The following TENM3 variants were observed in gnomAD, a reference collection of about 807,000 sequenced individuals.
The protein encoded by TENM3 is teneurin transmembrane protein 3.
Under a neutral mutation model 255.1 loss-of-function variants are expected in TENM3, and 63 were observed. That is an observed-to-expected ratio of 0.25 (90% CI 0.20 to 0.30). The LOEUF is 0.30. Ranked by LOEUF, TENM3 falls within the 10% of genes least tolerant of loss-of-function variation. The pLI, the probability that TENM3 is intolerant of heterozygous loss-of-function variation, is 1.00. For missense variants in TENM3, 2,929 were observed against 3,461.1 expected (o/e 0.85, Z 3.86); for synonymous variants, 1,306 against 1,322.3 (o/e 0.99, Z 0.27).
the TENM3 span, among the ~76,000 whole-genome samples, chr4:181,815,918 A>G: frequency 5.3e-5 from 8 of 152,224 alleles, no homozygotes; most frequent in African/African-American, 1.7e-4. Context: ...TTATATTGCT[A>G]TTGGAATGAA....
chr4:182,056,304 G>A, the TENM3 span, among the ~76,000 whole-genome samples: 16 of 152,228 alleles, frequency 1.1e-4, no homozygotes, highest in South Asian at 1.9e-3. Context: ...ATTATGTCAC[G>A]TTCCAATTTG....
At chr4:182,643,036 T>C (rs544786736) in intron 5 of TENM3, among the ~76,000 whole-genome samples, 1 of 152,310 alleles carries the variant, frequency 6.6e-6, no homozygotes, top group Non-Finnish European at 1.5e-5. Flanking sequence ...GAGAACTCTG[T>C]GTTCCTAATG....
chr4:181,839,386 C>CCTATATACATATATATATATATAT, the TENM3 span, among the ~76,000 whole-genome samples: 2 of 44,110 alleles, frequency 4.5e-5, no homozygotes, highest in African/African-American at 1.8e-4. Flanking sequence ...TATATATATA[C>CCTATATACATATATATATATATAT]ACCTATATAC....
chr4:181,659,224 C>G, the TENM3 span, among the ~76,000 whole-genome samples: 1 of 152,104 alleles, frequency 6.6e-6, no homozygotes, highest in Non-Finnish European at 1.5e-5. Flanking sequence ...AATCATCTCC[C>G]CATGATTTTT....
chr4:181,520,280 C>T, the TENM3 span, among the ~76,000 whole-genome samples: 9 of 152,284 alleles, frequency 5.9e-5, no homozygotes, highest in East Asian at 1.9e-4. Flanking sequence ...GAAGCCGTGC[C>T]GCCCTGGCAG....
chr4:181,534,678 T>C, the TENM3 span, among the ~76,000 whole-genome samples: 1 of 152,138 alleles, frequency 6.6e-6, no homozygotes, highest in African/African-American at 2.4e-5. Context: ...GCAATGCTCC[T>C]TCATGGCATT....
At chr4:182,318,860 T>C (rs1352852888) in intron 1 of TENM3, among the ~76,000 whole-genome samples, 1 of 152,282 alleles carries the variant, frequency 6.6e-6, no homozygotes, top group East Asian at 1.9e-4. Context: ...CTTGAAGTCC[T>C]GGGCTCAAGC....
the TENM3 span, among the ~76,000 whole-genome samples, chr4:181,460,678 C>CTTTTTTTTTTTTTTTTTTT: frequency 2.2e-5 from 3 of 136,862 alleles, no homozygotes; most frequent in Non-Finnish European, 3.1e-5. Flanking sequence ...AGCTATAGTT[C>CTTTTTTTTTTTTTTTTTTT]TTTTTTTTTT....
the TENM3 span, among the ~76,000 whole-genome samples, chr4:181,557,876 A>C: frequency 5.3e-5 from 8 of 152,196 alleles, no homozygotes; most frequent in Non-Finnish European, 1.2e-4. Flanking sequence ...AATAAAAATA[A>C]GGCAAAGATA....
chr4:182,105,776 T>G, the TENM3 span, among the ~76,000 whole-genome samples: 1 of 152,190 alleles, frequency 6.6e-6, no homozygotes, highest in African/African-American at 2.4e-5. Context: ...ACATGATTGA[T>G]CTCTGTATCC....
the TENM3 span, among the ~76,000 whole-genome samples, chr4:181,463,898 C>T: frequency 6.6e-6 from 1 of 152,220 alleles, no homozygotes; most frequent in East Asian, 1.9e-4. Flanking sequence ...TAAATAAAAC[C>T]ATACAAGACA....
chr4:181,678,870 T>C, the TENM3 span, among the ~76,000 whole-genome samples: 4 of 149,714 alleles, frequency 2.7e-5, no homozygotes, highest in African/African-American at 9.8e-5. Context: ...GAAAACATGA[T>C]TTGGGGATAT....
intron 3 of TENM3, among the ~76,000 whole-genome samples, chr4:182,478,820 A>G (rs1305092937): frequency 6.6e-6 from 1 of 151,966 alleles, no homozygotes; most frequent in Non-Finnish European, 1.5e-5. Context: ...TAGTTATGAT[A>G]TTATAGATAA....
Position 182,601,184 on chromosome 4 carries a change from A to G in TENM3, c.749+23A>G, listed in dbSNP as rs1476185185. 4.4e-6 allele frequency: 7 copies of G among 1,584,108 alleles called. 1 individual carries two copies. In the Admixed American group the frequency reaches 1.0e-4, roughly 23 times the overall value. On this transcript the variant is annotated intron_variant, in intron 4 of 27. Coordinates refer to ENST00000511685, the MANE Select transcript of TENM3 (RefSeq NM_001080477.4). ...CAGGTAACATCTAAAATTTCAAAATAAGCTAGCCCAACCCTTTTCTCACCA... is the reference window on the plus strand; with the variant it reads ...CAGGTAACATCTAAAATTTCAAAATGAGCTAGCCCAACCCTTTTCTCACCA...
At chr4:181,990,131 G>T in the TENM3 span, among the ~76,000 whole-genome samples, 1 of 151,990 alleles carries the variant, frequency 6.6e-6, no homozygotes, top group Admixed American at 6.6e-5. Context: ...AAGCTTGTAC[G>T]TATTTCCTCT....
At chr4:182,007,245 A>G in the TENM3 span, among the ~76,000 whole-genome samples, 2 of 152,122 alleles carry the variant, frequency 1.3e-5, no homozygotes, top group Non-Finnish European at 2.9e-5. Flanking sequence ...TACTAGGTCC[A>G]CTTGATACAG....
At chr4:182,582,488 A>C (rs1211326417) in intron 3 of TENM3, among the ~76,000 whole-genome samples, 1 of 152,180 alleles carries the variant, frequency 6.6e-6, no homozygotes, top group Non-Finnish European at 1.5e-5. Flanking sequence ...TCATGAGTAT[A>C]AATTTCTGTT....
chr4:181,484,830 A>T, the TENM3 span, among the ~76,000 whole-genome samples: 1 of 152,152 alleles, frequency 6.6e-6, no homozygotes, highest in Non-Finnish European at 1.5e-5. Flanking sequence ...TACCCTGCCT[A>T]ATTTTATGTA....
the TENM3 span, among the ~76,000 whole-genome samples, chr4:181,658,403 A>C: frequency 2.6e-5 from 4 of 152,172 alleles, no homozygotes; most frequent in African/African-American, 9.7e-5. Context: ...AGCACAGAGA[A>C]AGGGCAGTAT....
Sources: gnomAD v4.1 joint callset for allele counts (sites outside exome capture counted in the v4.1 genomes callset) on GRCh38, gnomAD v4.1.1 for gene constraint, MANE v1.5 for transcripts, NCBI Gene and HGNC (gene_info 2026-07-23, HGNC 2026-07-21) for gene names.